The following VAV3 variants were observed in gnomAD, a reference collection of about 807,000 sequenced individuals.
The protein encoded by VAV3 is vav guanine nucleotide exchange factor 3.
In VAV3, 94 loss-of-function variants were observed where a neutral mutation model predicts 131.2. That is an observed-to-expected ratio of 0.72 (90% confidence interval 0.61 to 0.85). The LOEUF (loss-of-function observed/expected upper bound fraction) is 0.85, where lower values mean the gene tolerates loss of function less well. Ranked by LOEUF, VAV3 falls within the 40% of genes least tolerant of loss-of-function variation. VAV3 has a pLI of 0.00. For missense variants in VAV3, 939 were observed against 1,002.7 expected, an observed-to-expected ratio of 0.94 and a Z score of 0.86; for synonymous variants, 349 against 342.0, an observed-to-expected ratio of 1.02 and a Z score of -0.22.
chr1:107,919,546 T>C (rs1367294015), intron 1 of VAV3, among the ~76,000 whole-genome samples: 2 of 152,118 alleles, frequency 1.3e-5, no homozygotes, highest in Non-Finnish European at 2.9e-5. Flanking sequence ...CCAGGAGAAG[T>C]TAAATGGCTT....
intron 25 of VAV3, among the ~76,000 whole-genome samples, chr1:107,586,625 G>A (rs1287333622): frequency 6.6e-6 from 1 of 151,970 alleles, no homozygotes; most frequent in Middle Eastern, 3.2e-3. Context: ...TGAAGATGGT[G>A]GGAAATTGAC....
chr1:107,715,885 T>C (rs1007691108), intron 15 of VAV3, among the ~76,000 whole-genome samples: 7 of 152,194 alleles, frequency 4.6e-5, no homozygotes, highest in African/African-American at 1.7e-4. Flanking sequence ...TGAATTTAAG[T>C]TGTATCACAT....
chr1:107,892,874 A>G (rs780237716), intron 1 of VAV3, among the ~76,000 whole-genome samples: 2 of 152,164 alleles, frequency 1.3e-5, no homozygotes, highest in Non-Finnish European at 2.9e-5. Context: ...AAATGTCAGC[A>G]ATAATATTTC....
intron 2 of VAV3, among the ~76,000 whole-genome samples, chr1:107,852,806 T>C (rs1197594127): frequency 6.6e-6 from 1 of 152,178 alleles, no homozygotes; most frequent in Non-Finnish European, 1.5e-5. Context: ...AGATTTTAGA[T>C]AGACCATGAC....
intron 2 of VAV3, among the ~76,000 whole-genome samples, chr1:107,847,621 A>G (rs1669030180): frequency 6.6e-6 from 1 of 152,242 alleles, no homozygotes; most frequent in African/African-American, 2.4e-5. Flanking sequence ...ACAAACTACC[A>G]TCAGAGAATA....
chr1:107,702,182 G>A (rs1389671036), intron 17 of VAV3, among the ~76,000 whole-genome samples: 1 of 152,196 alleles, frequency 6.6e-6, no homozygotes, highest in Non-Finnish European at 1.5e-5. Flanking sequence ...CATGGCAGAA[G>A]GTGAAGCAGG....
Position 107,757,183 on chromosome 1 carries a change from G to GTA in VAV3, c.1086+77_1086+78insTA, listed in dbSNP as rs771202830. 5.2e-3 allele frequency: 4,534 copies of GTA among 875,900 alleles called. 31 individuals carry two copies. The highest frequency in any genetic ancestry group is 0.017 in the Middle Eastern group (75 of 4,374). 54.3% of individuals were successfully genotyped at this position (875,900 alleles called of 1,614,324 possible). ...TGTGTGTGTGTGTGTGTGTGTGTGT[G>GTA]TGTGTATGCAATTTGAATTCCATTG... On this transcript the variant is annotated intron_variant, in intron 11 of 26. Transcript: ENST00000370056.
intron 2 of VAV3, among the ~76,000 whole-genome samples, chr1:107,843,270 G>C (rs965971383): frequency 7.3e-5 from 11 of 150,970 alleles, no homozygotes; most frequent in African/African-American, 2.4e-4. Flanking sequence ...TGGTGCTTCA[G>C]TTTTTGTATA....
chr1:107,597,227 A>T (rs1170667042), intron 24 of VAV3, among the ~76,000 whole-genome samples: 1 of 34,364 alleles, frequency 2.9e-5, no homozygotes, highest in African/African-American at 1.8e-4. Context: ...AATAAAAAAT[A>T]AAAAAAAAAA....
chr1:107,609,971 A>G lies in VAV3; in HGVS notation c.1981-6T>C, dbSNP rs767641974. The stretch of plus-strand genomic sequence containing the variant: ...TAATCTACTGGTTTGGGCACCTAGG[A>G]TATAAAAAAGCAAAAACAGATTAAG... On this transcript the variant is annotated splice_region_variant and splice_polypyrimidine_tract_variant and intron_variant, in intron 21 of 26. Transcript: ENST00000370056. 9.9e-6 allele frequency: 16 copies of G among 1,613,478 alleles called. No homozygotes were observed. The highest frequency in any genetic ancestry group is 1.3e-5 in the Non-Finnish European group (15 of 1,179,634).
intron 2 of VAV3, among the ~76,000 whole-genome samples, chr1:107,797,892 T>A (rs1432684002): frequency 6.6e-6 from 1 of 152,180 alleles, no homozygotes; most frequent in Non-Finnish European, 1.5e-5. Context: ...ATTTTCCAAC[T>A]CAGTAGGGAC....
intron 1 of VAV3, among the ~76,000 whole-genome samples, chr1:107,913,396 T>C (rs1490138468): frequency 6.6e-6 from 1 of 152,062 alleles, no homozygotes; most frequent in Non-Finnish European, 1.5e-5. Flanking sequence ...CAACCAAGAG[T>C]ACAAAATTGA....
intron 12 of VAV3, among the ~76,000 whole-genome samples, 168 bp from the exon 13 acceptor site, chr1:107,751,370 A>G (rs553859207): frequency 2.6e-5 from 4 of 152,346 alleles, no homozygotes; most frequent in South Asian, 4.1e-4. Flanking sequence ...TACATGACAA[A>G]TAAGTCTGTC....
rs773932363 is a variant in VAV3 at position 107,766,476 on chromosome 1, C to G, written c.792G>C (p.Leu264Phe). The change falls in exon 8 of 27, where the codon TTG (leucine) becomes TTC (phenylalanine). Residue 264 changes from leucine (L) to phenylalanine (F), a missense_variant. Transcript: ENST00000370056. Reference sequence around the variant, plus strand: ...CCTTGTAGTTAATAAAAACTTGGTACAAGTTCTGGTCATTTTTATTTACAA... The same window carrying G: ...CCTTGTAGTTAATAAAAACTTGGTAGAAGTTCTGGTCATTTTTATTTACAA... ...DSIVNKNDQN[L>F]YQVFINYKER... 5 of 1,613,160 alleles carry G rather than the reference C, an allele frequency of 3.1e-6. No individual in the cohort carries two copies. Among genetic ancestry groups the G allele is most frequent in the South Asian group, 2.2e-5 (2 of 90,952 alleles).
chr1:107,800,313 A>T (rs1570971527), intron 2 of VAV3, among the ~76,000 whole-genome samples: 1 of 152,296 alleles, frequency 6.6e-6, no homozygotes, highest in South Asian at 2.1e-4. Context: ...TCCCACCAAC[A>T]GTATATGAGG....
chr1:107,955,279 A>ACAT (rs1674752530), intron 1 of VAV3, among the ~76,000 whole-genome samples: 1 of 151,796 alleles, frequency 6.6e-6, no homozygotes, highest in Non-Finnish European at 1.5e-5. Flanking sequence ...ATGGCACTTA[A>ACAT]GTATTTTTGG....
chr1:107,934,475 T>C (rs1291190181), intron 1 of VAV3, among the ~76,000 whole-genome samples: 1 of 152,234 alleles, frequency 6.6e-6, no homozygotes, highest in Non-Finnish European at 1.5e-5. Context: ...ATATGTGGAA[T>C]TGTTTTTTAA....
chr1:107,602,729 A>G (rs1428018542), intron 23 of VAV3, among the ~76,000 whole-genome samples: 1 of 152,152 alleles, frequency 6.6e-6, no homozygotes. Context: ...CAATTTATTA[A>G]GTTCAGTTTG....
intron 19 of VAV3, among the ~76,000 whole-genome samples, chr1:107,673,171 T>A (rs115854035): frequency 0.014 from 2,179 of 152,330 alleles, 55 homozygotes; most frequent in African/African-American, 0.05. Flanking sequence ...TCCTTTTTTC[T>A]GAAGAGTATT....
Sources: allele counts gnomAD v4.1 joint callset (sites outside exome capture counted in the v4.1 genomes callset), GRCh38; gene constraint gnomAD v4.1.1; transcripts MANE v1.5; gene names NCBI Gene and HGNC (gene_info 2026-07-23, HGNC 2026-07-21).